Variants in SPMIP2 observed in about 807,000 individuals in gnomAD.
SPMIP2 encodes the protein protein SPMIP2.
At chr4:158,958,770 C>T in the SPMIP2 span, among the ~76,000 whole-genome samples, 1 of 152,118 alleles carries the variant, frequency 6.6e-6, no homozygotes, top group African/African-American at 2.4e-5. Context: ...GGCTTTGAAA[C>T]AGGGTAGGTG....
chr4:158,893,545 C>T, the SPMIP2 span: 1 of 586,122 alleles, frequency 1.7e-6, no homozygotes, highest in Non-Finnish European at 3.0e-6. Flanking sequence ...TTTTTCCAAA[C>T]TGTTTATTTG....
chr4:159,052,559 C>T, the SPMIP2 span, among the ~76,000 whole-genome samples: 5 of 152,168 alleles, frequency 3.3e-5, no homozygotes, highest in Non-Finnish European at 4.4e-5. Flanking sequence ...TCTTCTCTTC[C>T]GTAGATGGGG....
the SPMIP2 span, among the ~76,000 whole-genome samples, chr4:158,923,488 T>G: frequency 6.6e-6 from 1 of 152,322 alleles, no homozygotes; most frequent in Non-Finnish European, 1.5e-5. Context: ...CTTTTGATAT[T>G]ATAAATGAAA....
the SPMIP2 span, among the ~76,000 whole-genome samples, chr4:158,936,767 T>G: frequency 2.0e-5 from 3 of 152,354 alleles, no homozygotes; most frequent in Non-Finnish European, 4.4e-5. Flanking sequence ...CAATTAGGGC[T>G]TTAAAGATGT....
the SPMIP2 span, among the ~76,000 whole-genome samples, chr4:159,018,623 T>A: frequency 1.3e-5 from 2 of 152,182 alleles, no homozygotes; most frequent in Admixed American, 6.5e-5. Context: ...TTGTATTAAT[T>A]TTTTTGTCCC....
chr4:158,893,663 TCTC>T, the SPMIP2 span: 2 of 1,568,616 alleles, frequency 1.3e-6, no homozygotes, highest in Admixed American at 3.6e-5. Context: ...GTAGGCAGTT[TCTC>T]CTTCTAAAAG....
chr4:158,928,665 G>C, the SPMIP2 span, among the ~76,000 whole-genome samples: 2,701 of 152,206 alleles, frequency 0.018, 81 homozygotes, highest in African/African-American at 0.06. Flanking sequence ...CAACCCGCTC[G>C]GGTACCCTTC....
At chr4:159,023,739 C>T in the SPMIP2 span, among the ~76,000 whole-genome samples, 1 of 152,122 alleles carries the variant, frequency 6.6e-6, no homozygotes, top group Non-Finnish European at 1.5e-5. Context: ...CCACCCTTGC[C>T]CCCAATTATG....
At chr4:158,947,316 G>A in the SPMIP2 span, among the ~76,000 whole-genome samples, 3 of 152,078 alleles carry the variant, frequency 2.0e-5, no homozygotes, top group South Asian at 4.1e-4. Context: ...TAAAATAGTG[G>A]CTGACCTTAA....
chr4:158,992,781 C>T, the SPMIP2 span, among the ~76,000 whole-genome samples: 1 of 152,174 alleles, frequency 6.6e-6, no homozygotes, highest in Non-Finnish European at 1.5e-5. Context: ...GAAGGACAAG[C>T]AAGCTGGAGG....
chr4:158,951,186 G>A, the SPMIP2 span, among the ~76,000 whole-genome samples: 1 of 152,180 alleles, frequency 6.6e-6, no homozygotes, highest in Admixed American at 6.5e-5. Context: ...CTACCACCTA[G>A]TACGTGAGTA....
chr4:158,969,391 AT>A, the SPMIP2 span, among the ~76,000 whole-genome samples: 1,547 of 151,596 alleles, frequency 0.01, 13 homozygotes, highest in Middle Eastern at 0.024. Context: ...GACCAAATCC[AT>A]TTTTTTTTAA....
chr4:158,934,090 G>T, the SPMIP2 span, among the ~76,000 whole-genome samples: 1 of 152,102 alleles, frequency 6.6e-6, no homozygotes, highest in East Asian at 1.9e-4. Context: ...CTCAAGATCA[G>T]ACTGCTAAAA....
At chr4:158,918,524 A>G in the SPMIP2 span, among the ~76,000 whole-genome samples, 29 of 152,238 alleles carry the variant, frequency 1.9e-4, no homozygotes, top group Non-Finnish European at 3.8e-4. Flanking sequence ...TTAACATGTT[A>G]TACAAGTAAC....
chr4:158,902,797 C>T, the SPMIP2 span, among the ~76,000 whole-genome samples: 5 of 152,162 alleles, frequency 3.3e-5, no homozygotes, highest in East Asian at 3.9e-4. Flanking sequence ...GAGGCTAAAC[C>T]GCTTACTCAA....
At chr4:159,024,904 T>C in the SPMIP2 span, among the ~76,000 whole-genome samples, 22 of 152,204 alleles carry the variant, frequency 1.4e-4, no homozygotes, top group African/African-American at 5.1e-4. Flanking sequence ...GGTGACGATA[T>C]GCATATACAT....
At chr4:159,051,111 A>G in the SPMIP2 span, among the ~76,000 whole-genome samples, 5 of 134,744 alleles carry the variant, frequency 3.7e-5, no homozygotes, top group Non-Finnish European at 7.7e-5. Context: ...TCCGTCTCAG[A>G]AAAAAAAAAA....
the SPMIP2 span, among the ~76,000 whole-genome samples, chr4:159,061,152 A>T: frequency 6.6e-6 from 1 of 151,072 alleles, no homozygotes; most frequent in African/African-American, 2.4e-5. Context: ...TGACTATGGT[A>T]AACAAATTGG....
chr4:158,956,562 C>CA, the SPMIP2 span, among the ~76,000 whole-genome samples: 3 of 151,154 alleles, frequency 2.0e-5, no homozygotes, highest in South Asian at 6.2e-4. Flanking sequence ...AACTCTGTCT[C>CA]AAAAAAGATA....
Sources: gnomAD v4.1 joint callset for allele counts (sites outside exome capture counted in the v4.1 genomes callset) on GRCh38, gnomAD v4.1.1 for gene constraint, MANE v1.5 for transcripts, NCBI Gene and HGNC (gene_info 2026-07-23, HGNC 2026-07-21) for gene names.